ZMYND8: variants seen among roughly 807,000 people sequenced by gnomAD.
The protein encoded by ZMYND8 is MYND-type zinc finger-containing chromatin reader ZMYND8.
In ZMYND8, 37 loss-of-function variants were observed where a neutral mutation model predicts 140.8. That is an observed-to-expected ratio of 0.26 (90% CI 0.20 to 0.35). The LOEUF is 0.35. Ranked by LOEUF, ZMYND8 falls within the 10% of genes least tolerant of loss-of-function variation. The probability of loss-of-function intolerance (pLI) is 1.00; values close to 1 mark genes in which losing one functional copy is unlikely to be tolerated. For missense variants in ZMYND8, 1,068 were observed against 1,570.0 expected (o/e 0.68, Z 5.40); for synonymous variants, 592 against 597.1 (o/e 0.99, Z 0.12).
At chr20:47,275,559 TG>T (rs1569068063) in intron 11 of ZMYND8, among the ~76,000 whole-genome samples, 3 of 151,870 alleles carry the variant, frequency 2.0e-5, no homozygotes, top group Non-Finnish European at 4.4e-5. Context: ...GGGATCACAC[TG>T]GGAAGACAGA....
intron 2 of ZMYND8, among the ~76,000 whole-genome samples, chr20:47,325,536 G>A (rs1193540664): frequency 1.3e-5 from 2 of 152,086 alleles, no homozygotes; most frequent in Non-Finnish European, 2.9e-5. Flanking sequence ...TACACAAATG[G>A]GAGCCTGGTC....
chr20:47,333,750 A>C (rs1051220903), intron 2 of ZMYND8, among the ~76,000 whole-genome samples: 3 of 143,442 alleles, frequency 2.1e-5, no homozygotes, highest in Non-Finnish European at 4.5e-5. Context: ...AAAAAAAAAA[A>C]AAAAAACATT....
Position 47,239,107 on chromosome 20 carries a change from C to T in ZMYND8, c.2316G>A (p.Val772=), listed in dbSNP as rs2039625865. Residue 772 remains valine (V), a synonymous_variant, in exon 15 of 23, where the codon GTG becomes GTA. Coordinates refer to ENST00000471951, the MANE Select transcript of ZMYND8 (RefSeq NM_001281775.3). ...VVGKTPPSTT[V]GSHSPPETPV... is the part of the protein sequence containing the mutation. The stretch of plus-strand genomic sequence containing the variant: ...GTGTTTCCGGGGGAGAATGGCTGCC[C>T]ACCGTCGTGGATGGTGGAGTTTTAC... 1.3e-6 allele frequency: 2 copies of T among 1,514,182 alleles called. No individual in the cohort carries two copies. Among genetic ancestry groups the T allele is most frequent in the African/African-American group, 2.8e-5 (2 of 72,066 alleles). The allele number at this position is 1,514,182 out of a possible 1,614,324, so 93.8% of individuals were successfully genotyped here.
chr20:47,352,304 T>G (rs1280074050), intron 1 of ZMYND8, among the ~76,000 whole-genome samples: 1 of 152,156 alleles, frequency 6.6e-6, no homozygotes, highest in African/African-American at 2.4e-5. Flanking sequence ...GGGCTGCACC[T>G]CAGTCTACGG....
At chr20:47,299,264 C>T (rs2148063121) in intron 3 of ZMYND8, among the ~76,000 whole-genome samples, 1 of 152,318 alleles carries the variant, frequency 6.6e-6, no homozygotes, top group Admixed American at 6.5e-5. Flanking sequence ...TACCATTAAC[C>T]AGGTGCATGA....
chr20:47,342,868 G>GA (rs1300639206), intron 2 of ZMYND8, among the ~76,000 whole-genome samples: 1 of 146,754 alleles, frequency 6.8e-6, no homozygotes, highest in African/African-American at 2.5e-5. Flanking sequence ...AAAAAGAAAA[G>GA]AAAGAAAGAA....
At chr20:47,254,399 G>A (rs541041471) in intron 12 of ZMYND8, among the ~76,000 whole-genome samples, 5 of 152,310 alleles carry the variant, frequency 3.3e-5, no homozygotes, top group African/African-American at 7.2e-5. Context: ...TCCCACGTGG[G>A]CAAAAGGGTT....
chr20:47,236,442 G>A lies in ZMYND8; in HGVS notation c.2740C>T (p.Pro914Ser). The change falls in exon 16 of 23, where the codon CCC becomes TCC. Residue 914 changes from proline (P) to serine (S), a missense_variant. Pro to Ser is a moderately conservative substitution (Grantham distance 74). Around this residue, in one of 10 missense-constraint regions of ZMYND8, gnomAD observed 383 missense variants for 431.2 expected, o/e 0.89. Transcript: ENST00000471951. ...ITLVTSTQSS[P>S]LVTSSGSMST... ...ATGGACCCCGAGCTGGTGACCAGGG[G>A]CGATGACTGTGTGCTGGTCACCAGG... The A allele has an allele frequency of 6.2e-7, 1 of 1,613,812 alleles. No homozygotes were observed. Among genetic ancestry groups the A allele is most frequent in the Non-Finnish European group, 8.5e-7 (1 of 1,179,836 alleles).
chr20:47,352,551 G>C (rs1449054654), intron 1 of ZMYND8: 6 of 985,354 alleles, frequency 6.1e-6, no homozygotes, highest in Non-Finnish European at 7.2e-6. Flanking sequence ...CCCGCTTTCA[G>C]AGGCCGAACT....
chr20:47,348,033 C>T (rs1033578602), intron 1 of ZMYND8, 107 bp from the exon 2 acceptor site: 2 of 1,061,730 alleles, frequency 1.9e-6, no homozygotes, highest in African/African-American at 3.1e-5. Context: ...GACATTCCCT[C>T]ATCCTTATCC....
chr20:47,321,856 CTTTT>C (rs60425976), intron 2 of ZMYND8, among the ~76,000 whole-genome samples: 2 of 123,472 alleles, frequency 1.6e-5, no homozygotes, highest in Non-Finnish European at 1.7e-5. Flanking sequence ...ACTCGCCGCC[CTTTT>C]TTTTTTTTTT....
chr20:47,294,280 A>G (rs1194657000), intron 5 of ZMYND8, among the ~76,000 whole-genome samples: 1 of 152,040 alleles, frequency 6.6e-6, no homozygotes, highest in Non-Finnish European at 1.5e-5. Flanking sequence ...TGAACCTGGG[A>G]GGCAGAGGTT....
rs1601417130 is a variant in ZMYND8 at position 47,264,790 on chromosome 20, C to T, written c.1481-2362G>A. Among the ~76,000 whole-genome samples the T allele has an allele frequency of 2.0e-5, 3 of 152,142 alleles. No homozygotes were observed. In the South Asian group the frequency reaches 6.2e-4, roughly 32 times the overall value. On this transcript the variant is annotated intron_variant, in intron 11 of 22. Transcript: ENST00000471951. Reference sequence around the variant, plus strand: ...TGGTTCACCCCTGTAATCCCAGCACCTTGGGAGGCTGAGGTGGGAGGATCA... The same window carrying T: ...TGGTTCACCCCTGTAATCCCAGCACTTTGGGAGGCTGAGGTGGGAGGATCA...
chr20:47,301,891 G>A (rs1310678640), intron 3 of ZMYND8, among the ~76,000 whole-genome samples: 1 of 152,112 alleles, frequency 6.6e-6, no homozygotes, highest in Non-Finnish European at 1.5e-5. Flanking sequence ...TTGAATCATG[G>A]AAGTAGTTAC....
At chr20:47,354,609 C>T (rs1330854563) in intron 1 of ZMYND8, 6 of 152,110 alleles carry the variant, frequency 3.9e-5, no homozygotes, top group Non-Finnish European at 7.4e-5. Flanking sequence ...ATTAAATGAG[C>T]CTTTTTCCAA....
chr20:47,330,820 A>G (rs1247475948), intron 2 of ZMYND8, among the ~76,000 whole-genome samples: 2 of 152,222 alleles, frequency 1.3e-5, no homozygotes, highest in African/African-American at 4.8e-5. Context: ...CATCTGATAG[A>G]GCTAAATCAT....
intron 4 of ZMYND8, among the ~76,000 whole-genome samples, chr20:47,297,918 C>T (rs1353668150): frequency 6.6e-6 from 1 of 152,204 alleles, no homozygotes; most frequent in Non-Finnish European, 1.5e-5. Context: ...GGCATACACA[C>T]TGCCCCGACT....
chr20:47,238,934 G>A lies in ZMYND8; in HGVS notation c.2489C>T (p.Thr830Ile). The change falls in exon 15 of 23, where the codon ACT becomes ATT. Residue 830 changes from threonine to isoleucine, a missense_variant. Physicochemically the swap from Thr to Ile is moderately conservative, Grantham distance 89. Transcript: ENST00000471951. ...CACGACCCGCTGCACGGCCGGGGCA[G>A]TCTCCTTCGGTAAAAGCGGCCTCTG... ...KKQRPLLPKE[T>I]APAVQRVVWN... 6.2e-7 allele frequency: 1 copy of A among 1,614,072 alleles called. No individual in the cohort carries two copies.
At chr20:47,320,893 T>C (rs1259869000) in intron 2 of ZMYND8, 1 of 152,162 alleles carries the variant, frequency 6.6e-6, no homozygotes, top group African/African-American at 2.4e-5. Context: ...GATGCCCATA[T>C]GTGAAACATC....
Sources: gnomAD v4.1 joint callset for allele counts (sites outside exome capture counted in the v4.1 genomes callset) on GRCh38, gnomAD v4.1.1 for gene constraint, gnomAD v4.1.1 regional missense constraint, MANE v1.5 for transcripts, NCBI Gene and HGNC (gene_info 2026-07-23, HGNC 2026-07-21) for gene names.